Variants in DACH2 observed in about 807,000 individuals in gnomAD.
The protein encoded by DACH2 is dachshund family transcription factor 2, also known as dachshund homolog 2.
Under a neutral mutation model 35.8 loss-of-function variants are expected in DACH2, and 17 were observed. The ratio of observed to expected loss-of-function variants is 0.48; its 90% CI spans 0.33 to 0.71. The LOEUF (loss-of-function observed/expected upper bound fraction) is 0.71. Among genes scored for constraint, DACH2 ranks in the 30% least tolerant of loss-of-function variants. DACH2 has a pLI of 0.02. For missense variants in DACH2, 469 were observed against 472.7 expected (o/e 0.99, Z 0.07); for synonymous variants, 195 against 177.3 (o/e 1.10, Z -0.79).
At chrX:86,732,504 G>A (rs1029266169) in intron 6 of DACH2, among the ~76,000 whole-genome samples, 5 of 111,911 alleles carry the variant, frequency 4.5e-5, no homozygotes, top group Non-Finnish European at 7.5e-5. Context: ...TTTATTAGAG[G>A]TAGTATGGTA....
At chrX:86,745,419 C>T (rs1324150512) in intron 7 of DACH2, among the ~76,000 whole-genome samples, 1 of 110,895 alleles carries the variant, frequency 9.0e-6, no homozygotes, top group East Asian at 2.9e-4. Context: ...CTCTTCCCAA[C>T]CTCCACCCTC....
intron 1 of DACH2, among the ~76,000 whole-genome samples, chrX:86,356,413 C>T (rs2035643781): frequency 9.0e-6 from 1 of 111,040 alleles, no homozygotes; most frequent in African/African-American, 3.3e-5. Context: ...TTTAGCAGTA[C>T]CATGTTGTTT....
At chrX:86,712,269 C>T (rs1246820519) in intron 5 of DACH2, among the ~76,000 whole-genome samples, 1 of 111,211 alleles carries the variant, frequency 9.0e-6, no homozygotes, top group Non-Finnish European at 1.9e-5. Context: ...TATAAAATAT[C>T]ATTATAGCAT....
intron 2 of DACH2, among the ~76,000 whole-genome samples, chrX:86,475,922 A>G (rs1008495536): frequency 1.8e-5 from 2 of 112,316 alleles, no homozygotes; most frequent in East Asian, 5.6e-4. Context: ...TTTCAACATC[A>G]ATGAAAATGA....
chrX:86,604,249 A>G (rs929101882), intron 3 of DACH2, among the ~76,000 whole-genome samples: 2 of 111,279 alleles, frequency 1.8e-5, no homozygotes, highest in African/African-American at 6.5e-5. Flanking sequence ...ATTATGTTTT[A>G]TCTCTACTAG....
chrX:86,599,552 A>C (rs1302046081), intron 3 of DACH2, among the ~76,000 whole-genome samples: 12 of 92,596 alleles, frequency 1.3e-4, no homozygotes, highest in African/African-American at 5.2e-4. Flanking sequence ...GCTGGAGTGC[A>C]GTGGCACAAT....
intron 6 of DACH2, among the ~76,000 whole-genome samples, chrX:86,718,531 C>T (rs2041363362): frequency 8.9e-6 from 1 of 111,833 alleles, no homozygotes; most frequent in African/African-American, 3.2e-5. Context: ...CTTTTTACAT[C>T]TTATTCATAA....
At chrX:86,539,445 A>C (rs755942214) in intron 3 of DACH2, among the ~76,000 whole-genome samples, 27 of 111,858 alleles carry the variant, frequency 2.4e-4, no homozygotes, top group African/African-American at 8.4e-4. Flanking sequence ...TGTAGGTCTT[A>C]ATTGCAGATG....
chrX:86,452,405 G>T (rs1194351765), intron 2 of DACH2, among the ~76,000 whole-genome samples: 1 of 111,509 alleles, frequency 9.0e-6, no homozygotes, highest in Non-Finnish European at 1.9e-5. Flanking sequence ...AATGGTGCTA[G>T]CTCTTCTTTG....
At chrX:86,639,447 C>T (rs966548772) in intron 3 of DACH2, among the ~76,000 whole-genome samples, 24 of 111,597 alleles carry the variant, frequency 2.2e-4, no homozygotes, top group Admixed American at 2.1e-3. Flanking sequence ...GTTGGAGACC[C>T]TGGAGCCTTA....
intron 3 of DACH2, among the ~76,000 whole-genome samples, chrX:86,546,357 C>CTCCCCTTCTTCTTCTTCTTCTTCTTCT (rs2038959526): frequency 2.0e-5 from 1 of 50,073 alleles, no homozygotes; most frequent in Non-Finnish European, 3.3e-5. Flanking sequence ...CTTCTTCTTC[C>CTCCCCTTCTTCTTCTTCTTCTTCTTCT]TCTTCTTCTT....
chrX:86,181,514 C>T (rs2031494901), intron 1 of DACH2, among the ~76,000 whole-genome samples: 1 of 111,459 alleles, frequency 9.0e-6, no homozygotes, highest in African/African-American at 3.3e-5. Flanking sequence ...AGGACGTGAA[C>T]TCATCCTTTT....
At chrX:86,626,428 C>G (rs1169980055) in intron 3 of DACH2, among the ~76,000 whole-genome samples, 1 of 112,690 alleles carries the variant, frequency 8.9e-6, no homozygotes, top group East Asian at 2.8e-4. Flanking sequence ...ATGGTGCAAG[C>G]TGTCAGTGGA....
chrX:86,795,513 G>A (rs867491920), intron 7 of DACH2, among the ~76,000 whole-genome samples: 18 of 110,937 alleles, frequency 1.6e-4, no homozygotes, highest in Middle Eastern at 4.7e-3. Flanking sequence ...GATTACAGGC[G>A]TTAGCCACCG....
At chrX:86,542,340 G>T (rs1451511926) in intron 3 of DACH2, among the ~76,000 whole-genome samples, 1 of 111,499 alleles carries the variant, frequency 9.0e-6, no homozygotes, top group Non-Finnish European at 1.9e-5. Flanking sequence ...GAATGGATTG[G>T]TGCCCTTCCC....
chrX:86,510,438 C>T (rs763653002), intron 2 of DACH2, among the ~76,000 whole-genome samples: 2 of 111,711 alleles, frequency 1.8e-5, no homozygotes, highest in Admixed American at 9.5e-5. Context: ...GATGGTAATC[C>T]ACTTCAACTG....
chrX:86,214,125 A>G (rs1017441673), intron 1 of DACH2, among the ~76,000 whole-genome samples: 1 of 111,016 alleles, frequency 9.0e-6, no homozygotes, highest in African/African-American at 3.3e-5. Context: ...TACCACAACT[A>G]TAATGCTTTG....
In DACH2 at chrX:86,812,904, T is replaced by C; in HGVS notation, c.1289T>C (p.Ile430Thr). The change falls in exon 8 of 12, where the codon ATA becomes ACA. Residue 430 changes from isoleucine to threonine, a missense_variant. This residue lies in a region of DACH2 where 363 missense variants were observed against 334.4 expected (regional missense o/e 1.09). Transcript: ENST00000373125. ...ATAATGAAGTCACCCTTGGACAAGA[T>C]ACAGCTGACTCCTGGGCAGGCATTG... is the stretch of plus-strand genomic sequence containing the variant. Reference protein sequence around the residue: ...IPIMKSPLDKIQLTPGQALPA... With the variant: ...IPIMKSPLDKTQLTPGQALPA... The C allele has an allele frequency of 1.7e-6, 2 of 1,207,476 alleles. No homozygotes were observed. Among genetic ancestry groups the C allele is most frequent in the Non-Finnish European group, 2.2e-6 (2 of 892,535 alleles).
intron 3 of DACH2, among the ~76,000 whole-genome samples, chrX:86,603,445 C>T (rs1388300289): frequency 9.1e-6 from 1 of 109,893 alleles, no homozygotes; most frequent in Non-Finnish European, 1.9e-5. Context: ...ATTCCAACAT[C>T]CCCAAAAGTG....
Sources: allele counts gnomAD v4.1 joint callset (sites outside exome capture counted in the v4.1 genomes callset), GRCh38; gene constraint gnomAD v4.1.1; regional missense constraint gnomAD v4.1.1; transcripts MANE v1.5; gene names NCBI Gene and HGNC (gene_info 2026-07-23, HGNC 2026-07-21).